EPHX2: variants seen among roughly 807,000 people sequenced by gnomAD.
EPHX2 encodes epoxide hydrolase 2.
Under a neutral mutation model 78.7 loss-of-function variants are expected in EPHX2, and 74 were observed. The ratio of observed to expected loss-of-function variants is 0.94; its 90% CI spans 0.78 to 1.14. The LOEUF is 1.14. Ranked by LOEUF, EPHX2 falls within the 50% of genes most tolerant of loss-of-function variation. The pLI is 0.00. For synonymous variants in EPHX2, 251 were observed against 255.2 expected, an observed-to-expected ratio of 0.98 and a Z score of 0.16; for missense variants, 715 against 702.5, an observed-to-expected ratio of 1.02 and a Z score of -0.20.
At position 27,511,845 on chromosome 8, in the gene EPHX2, ACCCCGG is replaced by A; in HGVS notation, c.675_680del (p.Ala226_Pro227del). 1.2e-6 allele frequency: 2 copies of A among 1,613,862 alleles called. No individual in the cohort carries two copies. The highest frequency in any genetic ancestry group is 1.7e-6 in the Non-Finnish European group (2 of 1,179,956). On this transcript the variant is annotated inframe_deletion, in exon 6 of 19. Coordinates refer to ENST00000521400, the MANE Select transcript of EPHX2 (RefSeq NM_001979.6). ...CCTTTCCTGCTTACAGCTTCTCAAT[ACCCCGG>A]CCCCTCTGCCGACCTCTTGCAATCC...
At position 27,505,127 on chromosome 8, in the gene EPHX2, T is replaced by C; in HGVS notation, c.518T>C (p.Leu173Pro). The C allele has an allele frequency of 6.3e-7, 1 of 1,587,042 alleles. No individual in the cohort carries two copies. The highest frequency in any genetic ancestry group is 8.6e-7 in the Non-Finnish European group (1 of 1,162,798). The change falls in exon 4 of 19, where the codon CTG becomes CCG. Residue 173 changes from leucine (L) to proline (P), a missense_variant. Transcript: ENST00000521400. ...ATCTACAAGTTTCTGCTGGACACCC[T>C]GAAGGCCAGCCCCAGTGAGGTACGG... ...PQIYKFLLDTLKASPSEVVFL... is the reference protein window; with the variant it reads ...PQIYKFLLDTPKASPSEVVFL...
rs1815524353 is a variant in EPHX2, at chr8:27,544,538, C to T, written c.*16C>T. On this transcript the variant is annotated 3_prime_UTR_variant, in exon 19 of 19. Transcript: ENST00000521400. ...AAAGATGTAGAACGCAGCGTGTGCC[C>T]ACGCTCAGCAGGTGTGCCATCCTTC... The T allele has an allele frequency of 6.2e-7, 1 of 1,613,044 alleles. No individual in the cohort carries two copies. Among genetic ancestry groups the T allele is most frequent in the Non-Finnish European group, 8.5e-7 (1 of 1,179,912 alleles).
intron 14 of EPHX2, among the ~76,000 whole-genome samples, 196 bp from the exon 15 acceptor site, chr8:27,540,358 T>G (rs1179687841): frequency 6.6e-6 from 1 of 152,096 alleles, no homozygotes; most frequent in Non-Finnish European, 1.5e-5. Context: ...CAGGCTCCAG[T>G]GTGACCGTGA....
intron 16 of EPHX2, among the ~76,000 whole-genome samples, chr8:27,543,006 T>TCCCCC (rs60846123): frequency 1.1e-3 from 111 of 99,686 alleles, no homozygotes; most frequent in Non-Finnish European, 1.5e-3. Flanking sequence ...TCCCATCCTC[T>TCCCCC]CCCCCCCCCG....
At chr8:27,495,572 G>T (rs1362542018) in intron 1 of EPHX2, among the ~76,000 whole-genome samples, 1 of 152,200 alleles carries the variant, frequency 6.6e-6, no homozygotes, top group Non-Finnish European at 1.5e-5. Flanking sequence ...TATCTAAGCA[G>T]GCAGTTGTCT....
At chr8:27,543,857 A>G (rs1815494436) in intron 17 of EPHX2, 28 bp downstream of exon 17, 2 of 1,612,728 alleles carry the variant, frequency 1.2e-6, no homozygotes, top group South Asian at 1.1e-5. Context: ...TACAAGGGTC[A>G]TCAGTGCACC....
At chr8:27,523,766 T>A (rs1306413022) in intron 11 of EPHX2, among the ~76,000 whole-genome samples, 1 of 152,212 alleles carries the variant, frequency 6.6e-6, no homozygotes, top group Admixed American at 6.5e-5. Flanking sequence ...TCCTCTCTCT[T>A]TCTCTGTCCC....
intron 14 of EPHX2, 149 bp downstream of exon 14, chr8:27,538,841 C>A: frequency 1.3e-6 from 1 of 787,562 alleles, no homozygotes. Flanking sequence ...ATGCATAGGG[C>A]TGACTCTAAC....
rs4149249 is a variant in EPHX2 at position 27,536,503 on chromosome 8, T to C, written c.1171-281T>C. On this transcript the variant is annotated intron_variant, in intron 12 of 18. Coordinates refer to ENST00000521400, the MANE Select transcript of EPHX2 (RefSeq NM_001979.6). ...CTCCCAAGTCCTTTCAAGAGATTAT[T>C]ATAAGTAGTACCTTCTCATTATAGG... 2.0e-5 allele frequency among the ~76,000 whole-genome samples: 3 copies of C among 152,194 alleles called. No individual in the cohort carries two copies. The East Asian group carries it at 5.8e-4, about 29-fold the overall frequency.
At chr8:27,507,129 A>G (rs916921082) in intron 5 of EPHX2, 135 bp downstream of exon 5, 56 of 1,127,448 alleles carry the variant, frequency 5.0e-5, no homozygotes, top group South Asian at 4.0e-4. Context: ...TTGGGAGTCC[A>G]TCACCCACTG....
chr8:27,508,130 C>T (rs544159734), intron 5 of EPHX2, among the ~76,000 whole-genome samples: 7 of 152,190 alleles, frequency 4.6e-5, no homozygotes, highest in Non-Finnish European at 1.0e-4. Context: ...GCTACAACCC[C>T]GTCTCTACTA....
intron 10 of EPHX2, among the ~76,000 whole-genome samples, chr8:27,521,973 G>A (rs980826801): frequency 4.6e-5 from 7 of 152,178 alleles, no homozygotes; most frequent in Non-Finnish European, 7.3e-5. Flanking sequence ...TACCAGCAGC[G>A]GAAAGAGAGA....
chr8:27,546,128 CAAA>C (rs368341959), downstream of EPHX2, among the ~76,000 whole-genome samples: 16 of 86,802 alleles, frequency 1.8e-4, no homozygotes, highest in Admixed American at 5.3e-4. Flanking sequence ...GACTCCGACT[CAAA>C]AAAAAAAAAA....
Position 27,505,159 on chromosome 8 carries a change from T to A in EPHX2, c.537+13T>A, listed in dbSNP as rs1813955565. 3.1e-6 allele frequency: 5 copies of A among 1,607,196 alleles called. No individual in the cohort carries two copies. The highest frequency in any genetic ancestry group is 4.3e-6 in the Non-Finnish European group (5 of 1,175,736). On this transcript the variant is annotated intron_variant, in intron 4 of 18. Coordinates refer to ENST00000521400, the MANE Select transcript of EPHX2 (RefSeq NM_001979.6). ...CAGCCCCAGTGAGGTACGGAGACAC[T>A]TCCTTATGGCAGAGAAGGATGTTCA...
At chr8:27,536,063 G>C (rs957550315) in intron 12 of EPHX2, among the ~76,000 whole-genome samples, 6 of 152,200 alleles carry the variant, frequency 3.9e-5, no homozygotes, top group Admixed American at 3.9e-4. Flanking sequence ...ACTGTGTGTC[G>C]ACTGGGTAAT....
At chr8:27,509,919 T>G (rs766283573) in intron 5 of EPHX2, among the ~76,000 whole-genome samples, 4 of 152,046 alleles carry the variant, frequency 2.6e-5, no homozygotes, top group Non-Finnish European at 4.4e-5. Context: ...CATCCCCTGG[T>G]GTATGACCTA....
At chr8:27,532,354 A>G (rs1337470198) in intron 12 of EPHX2, among the ~76,000 whole-genome samples, 1 of 152,194 alleles carries the variant, frequency 6.6e-6, no homozygotes, top group African/African-American at 2.4e-5. Context: ...TTTTTAATCT[A>G]CAAAAGGTAA....
intron 12 of EPHX2, among the ~76,000 whole-genome samples, chr8:27,531,847 CT>C (rs895142518): frequency 6.6e-6 from 1 of 152,156 alleles, no homozygotes; most frequent in Non-Finnish European, 1.5e-5. Context: ...GAGGGGAGCT[CT>C]CCCTGTTAGG....
At chr8:27,500,135 A>C (rs539531437) in intron 1 of EPHX2, among the ~76,000 whole-genome samples, 1 of 152,128 alleles carries the variant, frequency 6.6e-6, no homozygotes, top group South Asian at 2.1e-4. Context: ...ATGTTGGAGG[A>C]GGGGGTTGGT....
Sources: gnomAD v4.1 joint callset for allele counts (sites outside exome capture counted in the v4.1 genomes callset) on GRCh38, gnomAD v4.1.1 for gene constraint, MANE v1.5 for transcripts, NCBI Gene and HGNC (gene_info 2026-07-23, HGNC 2026-07-21) for gene names.